The following TBC1D5 variants were observed in gnomAD, a reference collection of about 807,000 sequenced individuals.
The protein encoded by TBC1D5 is TBC1 domain family, member 5.
TBC1D5 carries 75 observed loss-of-function variants against 100.3 expected under a neutral mutation model. That is an observed-to-expected ratio of 0.75 (90% CI 0.62 to 0.91). The LOEUF (loss-of-function observed/expected upper bound fraction) is 0.91. Ranked by LOEUF, TBC1D5 falls within the 40% of genes least tolerant of loss-of-function variation. The probability of loss-of-function intolerance (pLI) is 0.00; values close to 1 mark genes in which losing one functional copy is unlikely to be tolerated. For synonymous variants in TBC1D5, 323 were observed against 325.6 expected (o/e 0.99, Z 0.09); for missense variants, 910 against 942.4 (o/e 0.97, Z 0.45).
chr3:17,336,761 A>G (rs1489571541), intron 13 of TBC1D5, among the ~76,000 whole-genome samples: 2 of 152,216 alleles, frequency 1.3e-5, no homozygotes, highest in African/African-American at 4.8e-5. Flanking sequence ...AAAAAACTCC[A>G]AATCTATTTT....
chr3:17,201,133 T>C (rs1329420970), intron 18 of TBC1D5, among the ~76,000 whole-genome samples: 1 of 152,180 alleles, frequency 6.6e-6, no homozygotes, highest in East Asian at 1.9e-4. Flanking sequence ...CCTGATTTTT[T>C]CCAACAGTTG....
intron 17 of TBC1D5, among the ~76,000 whole-genome samples, chr3:17,214,827 A>G (rs928705877): frequency 6.6e-5 from 10 of 152,088 alleles, no homozygotes; most frequent in Non-Finnish European, 8.8e-5. Context: ...TCCCTCTGGT[A>G]AGGGAAAGTG....
intron 1 of TBC1D5, among the ~76,000 whole-genome samples, chr3:17,683,365 G>C (rs970219002): frequency 1.3e-5 from 2 of 151,190 alleles, no homozygotes. Flanking sequence ...TGATAGGAGT[G>C]TTGCACATCC....
chr3:17,362,811 T>C (rs1212689863), intron 13 of TBC1D5, among the ~76,000 whole-genome samples: 1 of 152,190 alleles, frequency 6.6e-6, no homozygotes, highest in African/African-American at 2.4e-5. Context: ...TTGAGATAAT[T>C]GTACCTTCAC....
At chr3:17,521,739 T>C (rs1201346831) in intron 2 of TBC1D5, among the ~76,000 whole-genome samples, 2 of 152,226 alleles carry the variant, frequency 1.3e-5, no homozygotes, top group African/African-American at 2.4e-5. Flanking sequence ...CTTTCATTCA[T>C]GAATTAACAT....
At position 17,225,451 on chromosome 3, in the gene TBC1D5, A is replaced by AC. The variant is rs1014421288; in HGVS notation, c.1589-11082_1589-11081insG. 3.4e-4 allele frequency among the ~76,000 whole-genome samples: 51 copies of AC among 151,120 alleles called. 1 individual carries two copies. In the South Asian group the frequency reaches 9.8e-3, roughly 29 times the overall value. On this transcript the variant is annotated intron_variant, in intron 17 of 21. Coordinates refer to ENST00000253692, the Ensembl canonical transcript of TBC1D5. Reference sequence around the variant, plus strand: ...TGAGACTCGGTCTCAAAAAAAAAAAAAAAAACAAAAAACAAACACCAACCA... The same window carrying AC: ...TGAGACTCGGTCTCAAAAAAAAAAAACAAAAACAAAAAACAAACACCAACCA...
In TBC1D5 at chr3:17,166,758, T is replaced by C; in HGVS notation, c.2094+9A>G. 1 of 1,597,994 alleles carries C rather than the reference T, an allele frequency of 6.3e-7. No homozygotes were observed. Among genetic ancestry groups the C allele is most frequent in the East Asian group, 2.2e-5 (1 of 44,666 alleles). On this transcript the variant is annotated intron_variant, in intron 21 of 21. Coordinates refer to ENST00000253692, the Ensembl canonical transcript of TBC1D5. ...AGTTAATGTAACATGTTCCTCAGAG[T>C]TTCTGTACCTGTTTAATGGCCCCTG...
At chr3:17,691,720 G>A (rs766211530) in intron 1 of TBC1D5, among the ~76,000 whole-genome samples, 12 of 151,984 alleles carry the variant, frequency 7.9e-5, no homozygotes, top group Non-Finnish European at 1.8e-4. Flanking sequence ...AGGAGCCTGA[G>A]GCAGGAGAAT....
chr3:17,372,890 A>G (rs1394219433), intron 12 of TBC1D5, among the ~76,000 whole-genome samples: 1 of 152,184 alleles, frequency 6.6e-6, no homozygotes, highest in African/African-American at 2.4e-5. Flanking sequence ...ATACTTTATC[A>G]CCTAGTGTAG....
intron 5 of TBC1D5, 46 bp downstream of exon 5, chr3:17,406,372 T>C: frequency 6.5e-7 from 1 of 1,548,908 alleles, no homozygotes; most frequent in Non-Finnish European, 8.8e-7. Flanking sequence ...AGGTAATGTG[T>C]TGATATATTG....
intron 2 of TBC1D5, among the ~76,000 whole-genome samples, chr3:17,583,905 C>T (rs2096716433): frequency 6.6e-6 from 1 of 152,280 alleles, no homozygotes; most frequent in East Asian, 1.9e-4. Context: ...TTCATGTACA[C>T]GCGTTTAGAG....
At chr3:17,443,171 C>T (rs1272886250) in intron 3 of TBC1D5, among the ~76,000 whole-genome samples, 1 of 152,126 alleles carries the variant, frequency 6.6e-6, no homozygotes, top group African/African-American at 2.4e-5. Context: ...CTTAAAGAAG[C>T]TATCATAACT....
chr3:17,599,914 G>A (rs2060821261), intron 2 of TBC1D5, among the ~76,000 whole-genome samples: 1 of 152,268 alleles, frequency 6.6e-6, no homozygotes, highest in South Asian at 2.1e-4. Context: ...AAAAAAAGCA[G>A]GATACTATAT....
intron 17 of TBC1D5, 101 bp downstream of exon 17, chr3:17,238,062 A>G (rs2076006098): frequency 6.8e-7 from 1 of 1,468,568 alleles, no homozygotes; most frequent in Non-Finnish European, 9.1e-7. Context: ...TAAGTTTTGC[A>G]TTAATTTCTA....
intron 15 of TBC1D5, among the ~76,000 whole-genome samples, chr3:17,273,280 T>C (rs1389210222): frequency 6.6e-6 from 1 of 152,078 alleles, no homozygotes; most frequent in African/African-American, 2.4e-5. Flanking sequence ...GACCCTACCA[T>C]CTCTTTGATA....
At chr3:17,538,038 GAAC>G (rs1185689806) in intron 2 of TBC1D5, among the ~76,000 whole-genome samples, 1 of 152,106 alleles carries the variant, frequency 6.6e-6, no homozygotes, top group Non-Finnish European at 1.5e-5. Flanking sequence ...AGGAAGGGCA[GAAC>G]AACTCAAAAA....
intron 1 of TBC1D5, among the ~76,000 whole-genome samples, chr3:17,696,979 C>A (rs2153837537): frequency 6.6e-6 from 1 of 152,266 alleles, no homozygotes; most frequent in East Asian, 1.9e-4. Context: ...TAATCCATCA[C>A]ATAAACAGAA....
chr3:17,494,612 G>A (rs1397019950), intron 3 of TBC1D5, among the ~76,000 whole-genome samples: 1 of 152,202 alleles, frequency 6.6e-6, no homozygotes, highest in Non-Finnish European at 1.5e-5. Context: ...GGCTGGAGTT[G>A]CTGAAATTCC....
chr3:17,382,317 G>A (rs969160401), intron 9 of TBC1D5, among the ~76,000 whole-genome samples: 2 of 151,848 alleles, frequency 1.3e-5, no homozygotes, highest in African/African-American at 4.8e-5. Context: ...AGGAATTTGT[G>A]TCTACACTCA....
Sources: allele counts gnomAD v4.1 joint callset (sites outside exome capture counted in the v4.1 genomes callset), GRCh38; gene constraint gnomAD v4.1.1; transcripts MANE v1.5; gene names NCBI Gene and HGNC (gene_info 2026-07-23, HGNC 2026-07-21).